The following LRP1B variants were observed in gnomAD, a reference collection of about 807,000 sequenced individuals.
LRP1B encodes the protein LDL receptor related protein 1B.
Under a neutral mutation model 556.6 loss-of-function variants are expected in LRP1B, and 217 were observed. That is an observed-to-expected ratio of 0.39 (90% confidence interval 0.35 to 0.44). LRP1B has a LOEUF of 0.44. Among genes scored for constraint, LRP1B ranks in the 20% least tolerant of loss-of-function variants. LRP1B has a pLI of 1.00. For missense variants in LRP1B, 5,053 were observed against 5,620.8 expected (o/e 0.90, Z 3.23); for synonymous variants, 2,047 against 1,865.8 (o/e 1.10, Z -2.50).
chr2:141,672,460 C>G (rs1227613525), intron 2 of LRP1B, among the ~76,000 whole-genome samples: 1 of 152,158 alleles, frequency 6.6e-6, no homozygotes, highest in Non-Finnish European at 1.5e-5. Flanking sequence ...CTTCAGAGCT[C>G]CTTCCTGAAA....
intron 7 of LRP1B, among the ~76,000 whole-genome samples, chr2:141,128,010 G>C (rs1016692625): frequency 6.6e-6 from 1 of 152,102 alleles, no homozygotes; most frequent in Non-Finnish European, 1.5e-5. Flanking sequence ...ATTTTTTAGA[G>C]ACATGTTTTT....
chr2:141,213,117 AT>A (rs551951254), intron 6 of LRP1B, among the ~76,000 whole-genome samples: 17,992 of 140,124 alleles, frequency 0.13, 1,721 homozygotes, highest in African/African-American at 0.31. Context: ...CAGCTAATTA[AT>A]TTTTTTTTTT....
intron 2 of LRP1B, among the ~76,000 whole-genome samples, chr2:141,794,657 G>A (rs1695740382): frequency 6.6e-6 from 1 of 151,916 alleles, no homozygotes; most frequent in African/African-American, 2.4e-5. Context: ...ACTAATGACA[G>A]CCTTCTATTC....
chr2:142,003,690 A>C (rs1418581282), intron 1 of LRP1B, among the ~76,000 whole-genome samples: 1 of 152,232 alleles, frequency 6.6e-6, no homozygotes, highest in Non-Finnish European at 1.5e-5. Context: ...GGGTAGATGT[A>C]CAAACTAACC....
At chr2:141,164,992 C>T (rs956100855) in intron 7 of LRP1B, among the ~76,000 whole-genome samples, 1 of 151,924 alleles carries the variant, frequency 6.6e-6, no homozygotes, top group Non-Finnish European at 1.5e-5. Flanking sequence ...GCCAAACTGC[C>T]TTTGACTTTT....
intron 1 of LRP1B, among the ~76,000 whole-genome samples, chr2:141,828,811 C>T (rs149810880): frequency 6.6e-6 from 1 of 151,604 alleles, no homozygotes; most frequent in Non-Finnish European, 1.5e-5. Context: ...ACTGGTTAAT[C>T]GGAATAATAA....
intron 41 of LRP1B, among the ~76,000 whole-genome samples, chr2:140,640,383 C>CTTTTT (rs70988414): frequency 0.023 from 1,101 of 48,526 alleles, 350 homozygotes; most frequent in African/African-American, 0.032. Context: ...GTCCTGTTTT[C>CTTTTT]TTTTTTTTTT....
At chr2:141,844,150 A>G (rs888851331) in intron 1 of LRP1B, among the ~76,000 whole-genome samples, 1 of 152,108 alleles carries the variant, frequency 6.6e-6, no homozygotes, top group Non-Finnish European at 1.5e-5. Flanking sequence ...ATGGATAAGG[A>G]GAGTCAGAAA....
At chr2:141,451,245 C>A (rs1573959788) in intron 3 of LRP1B, among the ~76,000 whole-genome samples, 1 of 152,266 alleles carries the variant, frequency 6.6e-6, no homozygotes, top group Middle Eastern at 3.4e-3. Context: ...ATGACTTCAA[C>A]AGAATACAAC....
intron 4 of LRP1B, among the ~76,000 whole-genome samples, chr2:141,252,742 G>C (rs1684310381): frequency 6.6e-6 from 1 of 152,094 alleles, no homozygotes; most frequent in Non-Finnish European, 1.5e-5. Context: ...TGACTACAAA[G>C]GAATAGGCAT....
At chr2:141,978,810 A>G (rs1369539) in intron 1 of LRP1B, among the ~76,000 whole-genome samples, 92,730 of 151,740 alleles carry the variant, frequency 0.61, 29,206 homozygotes, top group African/African-American at 0.75. Flanking sequence ...TTGTTTTTAC[A>G]TTTGTTCTTC....
At chr2:141,337,475 T>G (rs1687888771) in intron 3 of LRP1B, among the ~76,000 whole-genome samples, 1 of 124,186 alleles carries the variant, frequency 8.1e-6, no homozygotes, top group Non-Finnish European at 1.7e-5. Context: ...GATGCGGGAT[T>G]TGCAATATTT....
At chr2:141,893,404 T>C (rs1193925759) in intron 1 of LRP1B, among the ~76,000 whole-genome samples, 2 of 152,188 alleles carry the variant, frequency 1.3e-5, no homozygotes, top group African/African-American at 4.8e-5. Flanking sequence ...TTTTACCATG[T>C]TGGTCAGGCA....
chr2:140,837,598 A>G lies in LRP1B; in HGVS notation c.5209+2393T>C, dbSNP rs946783302. ...TATTGAATGTTCAATCATCATCCTT[A>G]TGCAGTTAAAAATATACTTGGTGAG... On this transcript the variant is annotated intron_variant, in intron 31 of 90. Transcript: ENST00000389484. Among the ~76,000 whole-genome samples, 3 of 131,852 alleles carry G rather than the reference A, an allele frequency of 2.3e-5. No homozygotes were observed. The East Asian group carries it at 6.8e-4, about 30-fold the overall frequency. The allele number at this position is 131,852 out of a possible 152,430, so 86.5% of individuals were successfully genotyped here.
At chr2:140,916,889 C>A (rs1341100278) in intron 21 of LRP1B, among the ~76,000 whole-genome samples, 1 of 152,164 alleles carries the variant, frequency 6.6e-6, no homozygotes, top group Non-Finnish European at 1.5e-5. Flanking sequence ...TATGCCCACT[C>A]TTGCACTCCT....
chr2:142,027,673 AACACACAC>A (rs3041444), intron 1 of LRP1B, among the ~76,000 whole-genome samples: 1 of 146,830 alleles, frequency 6.8e-6, no homozygotes, highest in African/African-American at 2.5e-5. Context: ...AAAAGATTAA[AACACACAC>A]ACACACACAC....
intron 32 of LRP1B, among the ~76,000 whole-genome samples, chr2:140,811,635 A>T (rs1247026215): frequency 6.6e-6 from 1 of 152,148 alleles, no homozygotes; most frequent in Non-Finnish European, 1.5e-5. Context: ...AGAGACTGTT[A>T]CAGCTTACTC....
intron 18 of LRP1B, among the ~76,000 whole-genome samples, chr2:140,967,711 C>G (rs1395245753): frequency 6.6e-6 from 1 of 151,832 alleles, no homozygotes; most frequent in African/African-American, 2.4e-5. Flanking sequence ...TGAGATATGT[C>G]CCATCAATAC....
At chr2:140,329,758 A>C (rs1032764756) in intron 79 of LRP1B, among the ~76,000 whole-genome samples, 2 of 151,964 alleles carry the variant, frequency 1.3e-5, no homozygotes, top group Non-Finnish European at 2.9e-5. Flanking sequence ...ACACAAGATG[A>C]AAAAAACCTA....
Sources: allele counts gnomAD v4.1 joint callset (sites outside exome capture counted in the v4.1 genomes callset), GRCh38; gene constraint gnomAD v4.1.1; transcripts MANE v1.5; gene names NCBI Gene and HGNC (gene_info 2026-07-23, HGNC 2026-07-21).